SYTL3: variants seen among roughly 807,000 people sequenced by gnomAD.
SYTL3 encodes synaptotagmin-like protein 3.
In SYTL3, 88 loss-of-function variants were observed where a neutral mutation model predicts 82.1. That is an observed-to-expected ratio of 1.07 (90% confidence interval 0.90 to 1.28). The LOEUF is 1.28. Ranked by LOEUF, SYTL3 falls within the 50% of genes most tolerant of loss-of-function variation. SYTL3 has a pLI of 0.00. For synonymous variants in SYTL3, 311 were observed against 289.4 expected, an observed-to-expected ratio of 1.07 and a Z score of -0.76; for missense variants, 831 against 757.6, an observed-to-expected ratio of 1.10 and a Z score of -1.14.
At chr6:158,702,127 C>T (rs1024767795) in intron 6 of SYTL3, among the ~76,000 whole-genome samples, 1 of 151,842 alleles carries the variant, frequency 6.6e-6, no homozygotes, top group Non-Finnish European at 1.5e-5. Context: ...TCACTGCAGG[C>T]ACATGCCACC....
rs140629183 is a variant in SYTL3 at position 158,652,831 on chromosome 6, G to A, written c.-637+989G>A. On this transcript the variant is annotated intron_variant, in intron 2 of 17. Coordinates refer to ENST00000611299, the MANE Select transcript of SYTL3 (RefSeq NM_001242394.2). The stretch of plus-strand genomic sequence containing the variant: ...GCTGGGATTACAGGCGTGAGCCACC[G>A]CACCCAGCCGAGTCTTCTAATGTGA... 0.014 allele frequency among the ~76,000 whole-genome samples: 2,070 copies of A among 152,198 alleles called. 254 individuals are homozygous for A. In the East Asian group the frequency reaches 0.3, roughly 22 times the overall value.
intron 5 of SYTL3, among the ~76,000 whole-genome samples, chr6:158,666,929 T>G (rs992590335): frequency 1.3e-5 from 2 of 152,258 alleles, no homozygotes; most frequent in Non-Finnish European, 2.9e-5. Flanking sequence ...ATTCGCCTTC[T>G]CATCTCATGT....
chr6:158,762,883 C>T (rs1409858805), intron 16 of SYTL3, among the ~76,000 whole-genome samples: 1 of 152,176 alleles, frequency 6.6e-6, no homozygotes, highest in Non-Finnish European at 1.5e-5. Context: ...TGCCACTTCA[C>T]TCCAGCCTGG....
rs1783632052 is a variant in SYTL3, at chr6:158,718,093, C to G, written c.602C>G (p.Ser201Cys). The change falls in exon 10 of 18, where the codon TCC (serine) becomes TGC (cysteine). Residue 201 changes from serine (S) to cysteine (C), a missense_variant. By Grantham distance (112) the Ser-to-Cys change is moderately radical. Transcript: ENST00000611299. The stretch of plus-strand genomic sequence containing the variant: ...CCTTGTGTTTGCCTTTTAGAGCTCT[C>G]CAAATCCCAGAATGATATGACTTCT... ...LSLATHVKKLSKSQNDMTSEK... is the reference protein window; with the variant it reads ...LSLATHVKKLCKSQNDMTSEK... 4 of 1,538,390 alleles carry G rather than the reference C, an allele frequency of 2.6e-6. No individual in the cohort carries two copies. The highest frequency in any genetic ancestry group is 3.5e-6 in the Non-Finnish European group (4 of 1,141,292).
In SYTL3 at chr6:158,714,669, CT is replaced by C. The variant is rs566608478; in HGVS notation, c.595+792del. Among the ~76,000 whole-genome samples the C allele has an allele frequency of 3.3e-5, 5 of 152,290 alleles. No homozygotes were observed. In the South Asian group the frequency reaches 1.0e-3, roughly 32 times the overall value. On this transcript the variant is annotated intron_variant, in intron 9 of 17. Coordinates refer to ENST00000611299, the MANE Select transcript of SYTL3 (RefSeq NM_001242394.2). Reference sequence around the variant, plus strand: ...TTCATGCCTCCTAAGATGCCCAGGGCTGGTCAGGTGTTTAGAAAATGTCCTT... The same window carrying C: ...TTCATGCCTCCTAAGATGCCCAGGGCGGTCAGGTGTTTAGAAAATGTCCTT...
At chr6:158,657,392 C>T (rs2128353620) in intron 2 of SYTL3, among the ~76,000 whole-genome samples, 1 of 138,580 alleles carries the variant, frequency 7.2e-6, no homozygotes, top group African/African-American at 2.8e-5. Flanking sequence ...CACCATTGCA[C>T]TCCAGCCTGG....
chr6:158,645,640 G>T (rs1192031764), upstream of SYTL3, among the ~76,000 whole-genome samples: 1 of 152,062 alleles, frequency 6.6e-6, no homozygotes, highest in African/African-American at 2.4e-5. Context: ...TACCCCATAT[G>T]CTCGGGACCC....
intron 5 of SYTL3, among the ~76,000 whole-genome samples, chr6:158,676,067 A>G (rs1374084300): frequency 1.3e-5 from 2 of 152,240 alleles, no homozygotes; most frequent in Non-Finnish European, 2.9e-5. Context: ...TCAAGTTCAT[A>G]TGGAACCAAA....
chr6:158,738,130 C>T (rs1271732806), intron 11 of SYTL3, among the ~76,000 whole-genome samples: 1 of 152,164 alleles, frequency 6.6e-6, no homozygotes, highest in Admixed American at 6.5e-5. Flanking sequence ...GCAGGGCAGC[C>T]CTAACCCCAG....
chr6:158,727,698 T>TTTTTTTTTTTTTTTTTTC (rs1469921993), intron 11 of SYTL3, among the ~76,000 whole-genome samples: 1 of 146,396 alleles, frequency 6.8e-6, no homozygotes. Flanking sequence ...TCTTTTTTTT[T>TTTTTTTTTTTTTTTTTTC]TTTGAGATGA....
chr6:158,662,486 A>G (rs571864886), intron 3 of SYTL3, among the ~76,000 whole-genome samples: 1 of 152,366 alleles, frequency 6.6e-6, no homozygotes, highest in South Asian at 2.1e-4. Context: ...TATTTCTTCA[A>G]TTAGGGTAAT....
At chr6:158,739,008 C>G (rs1786568887) in intron 11 of SYTL3, among the ~76,000 whole-genome samples, 1 of 152,194 alleles carries the variant, frequency 6.6e-6, no homozygotes, top group Non-Finnish European at 1.5e-5. Flanking sequence ...CCACCTTTCC[C>G]CTCCCACTCA....
intron 6 of SYTL3, among the ~76,000 whole-genome samples, chr6:158,683,578 A>G (rs914242144): frequency 6.6e-6 from 1 of 152,114 alleles, no homozygotes; most frequent in Non-Finnish European, 1.5e-5. Flanking sequence ...TCCTGCTTCT[A>G]GGGGTGATGT....
In SYTL3 at chr6:158,698,760, C is replaced by T. The variant is rs982563667; in HGVS notation, c.395-8470C>T. Among the ~76,000 whole-genome samples the T allele has an allele frequency of 2.0e-5, 3 of 152,308 alleles. No homozygotes were observed. In the South Asian group the frequency reaches 6.2e-4, roughly 32 times the overall value. ...TTGTGATGATTGTTTATGTCAGATA[C>T]AGCAAAGTGTATTGTTCTGACAAGA... On this transcript the variant is annotated intron_variant, in intron 6 of 17. Transcript: ENST00000611299.
chr6:158,692,257 CAAAAAAAAAAAAAAAAAAAAA>C lies in SYTL3; in HGVS notation c.394+9286_394+9306del, dbSNP rs571381475. ...TGGGCGACAGAGCGAGACTCCGTCT[CAAAAAAAAAAAAAAAAAAAAA>C]AAAAAAAAAAAAAAAAAGGGTTAAA... On this transcript the variant is annotated intron_variant, in intron 6 of 17. Transcript: ENST00000611299. 5.2e-3 allele frequency among the ~76,000 whole-genome samples: 168 copies of C among 32,194 alleles called. 3 individuals carry two copies. The South Asian group carries it at 0.088, about 17-fold the overall frequency. 21.1% of individuals were successfully genotyped at this position (32,194 alleles called of 152,430 possible). A position where few individuals can be genotyped will look rare whatever the true frequency, so the allele number is the denominator to read the frequency against.
At chr6:158,679,384 A>AT (rs937033363) in intron 5 of SYTL3, among the ~76,000 whole-genome samples, 1 of 151,916 alleles carries the variant, frequency 6.6e-6, no homozygotes, top group Admixed American at 6.6e-5. Flanking sequence ...AAAAAAAAAA[A>AT]GTCTTGGGAT....
At chr6:158,692,256 T>A (rs1419371317) in intron 6 of SYTL3, among the ~76,000 whole-genome samples, 20 of 9,076 alleles carry the variant, frequency 2.2e-3, no homozygotes, top group Admixed American at 8.4e-3. Context: ...AGACTCCGTC[T>A]CAAAAAAAAA....
rs1241673178 is a variant in SYTL3, at chr6:158,764,545, T to A, written c.1774T>A (p.Trp592Arg). The A allele has an allele frequency of 1.9e-6, 3 of 1,614,130 alleles. No homozygotes were observed. Among genetic ancestry groups the A allele is most frequent in the Non-Finnish European group, 8.5e-7 (1 of 1,180,004 alleles). ...TGCATGCTCACTATCGAAGCTCCAGTGGCAGAAAGTCCTTTCCAGCCCCAA... is the reference window on the plus strand; with the variant it reads ...TGCATGCTCACTATCGAAGCTCCAGAGGCAGAAAGTCCTTTCCAGCCCCAA... ...GDACSLSKLQ[W>R]QKVLSSPNLW... The change falls in exon 18 of 18, where the codon TGG (tryptophan) becomes AGG (arginine). Residue 592 changes from tryptophan to arginine, a missense_variant. Trp to Arg is a moderately radical substitution (Grantham distance 101, BLOSUM62 -3). Transcript: ENST00000611299.
At chr6:158,713,771 C>A (rs1303650964) in intron 8 of SYTL3, 29 bp from the exon 9 acceptor site, 1 of 1,486,104 alleles carries the variant, frequency 6.7e-7, no homozygotes, top group Non-Finnish European at 9.2e-7. Context: ...AAGCATAATT[C>A]TCATTCTCTC....
Sources: gnomAD v4.1 joint callset for allele counts (sites outside exome capture counted in the v4.1 genomes callset) on GRCh38, gnomAD v4.1.1 for gene constraint, MANE v1.5 for transcripts, NCBI Gene and HGNC (gene_info 2026-07-23, HGNC 2026-07-21) for gene names.